The following NTM variants were observed in gnomAD, a reference collection of about 807,000 sequenced individuals.
NTM encodes IgLON family member 2.
A neutral mutation model predicts 42.1 loss-of-function variants in NTM; 13 were observed. The observed-to-expected ratio is 0.31, with a 90% CI of 0.20 to 0.49. NTM has a LOEUF of 0.49. NTM is among the 20% of genes least tolerant of loss of function. The probability of loss-of-function intolerance (pLI) is 0.99; values close to 1 mark genes in which losing one functional copy is unlikely to be tolerated. For synonymous variants in NTM, 187 were observed against 179.2 expected (o/e 1.04, Z -0.35); for missense variants, 373 against 452.8 (o/e 0.82, Z 1.60).
At chr11:132,112,455 G>A (rs938700016) in intron 2 of NTM, among the ~76,000 whole-genome samples, 1 of 152,130 alleles carries the variant, frequency 6.6e-6, no homozygotes, top group African/African-American at 2.4e-5. Flanking sequence ...AATCTCTTGT[G>A]TTTCTCTGAT....
At chr11:131,661,095 G>GAAGACCCCCCCACCA in intron 1 of NTM, 3 of 1,260,902 alleles carry the variant, frequency 2.4e-6, no homozygotes, top group African/African-American at 1.5e-5. Context: ...CTGGTGGGGG[G>GAAGACCCCCCCACCA]GTCTTCCCCC....
At chr11:132,206,562 G>A (rs1156273090) in intron 3 of NTM, among the ~76,000 whole-genome samples, 1 of 152,182 alleles carries the variant, frequency 6.6e-6, no homozygotes, top group Non-Finnish European at 1.5e-5. Context: ...TAAATGTGGA[G>A]AGCAAGACAC....
chr11:131,412,019 T>C (rs2135759122), intron 1 of NTM, among the ~76,000 whole-genome samples: 1 of 152,336 alleles, frequency 6.6e-6, no homozygotes, highest in South Asian at 2.1e-4. Context: ...ACGTGGACCC[T>C]TGTCTTGCAG....
At chr11:132,326,449 G>A (rs2095685378) in intron 7 of NTM, among the ~76,000 whole-genome samples, 1 of 152,170 alleles carries the variant, frequency 6.6e-6, no homozygotes, top group African/African-American at 2.4e-5. Context: ...CAAATTGAAA[G>A]CAAACAGGTT....
At chr11:131,499,684 C>T (rs918263387) in intron 1 of NTM, among the ~76,000 whole-genome samples, 3 of 152,104 alleles carry the variant, frequency 2.0e-5, no homozygotes, top group Non-Finnish European at 4.4e-5. Context: ...TCACTCCTCC[C>T]CTGCTAACAA....
chr11:132,060,674 T>C lies in NTM; in HGVS notation c.168-85608T>C, dbSNP rs190698671. Among the ~76,000 whole-genome samples the C allele has an allele frequency of 5.3e-5, 8 of 152,348 alleles. No homozygotes were observed. In the East Asian group the frequency reaches 9.7e-4, roughly 18 times the overall value. On this transcript the variant is annotated intron_variant, in intron 2 of 8. Coordinates refer to ENST00000683400, the MANE Select transcript of NTM (RefSeq NM_001352005.2). ...ACTTGCAGTCACAGAAATAGTATAC[T>C]ACCTGGAGTTTCTTTAGGATTTGCA...
At position 131,789,471 on chromosome 11, in the gene NTM, A is replaced by G. The variant is rs1254031761; in HGVS notation, c.83-122093A>G. Among the ~76,000 whole-genome samples the G allele has an allele frequency of 2.2e-4, 3 of 13,942 alleles. 1 individual carries two copies. The highest frequency in any genetic ancestry group is 8.4e-4 in the African/African-American group (3 of 3,566). 9.1% of individuals were successfully genotyped at this position (13,942 alleles called of 152,430 possible). On this transcript the variant is annotated intron_variant, in intron 1 of 8. Coordinates refer to ENST00000683400, the MANE Select transcript of NTM (RefSeq NM_001352005.2). ...AAGAAGAAGAAGAAGAAGAAGAAGA[A>G]GAAGAAGAAGAAGAAGAAGAGGAAA...
intron 2 of NTM, among the ~76,000 whole-genome samples, chr11:131,985,064 C>T (rs2065857056): frequency 1.3e-5 from 2 of 152,136 alleles, no homozygotes; most frequent in South Asian, 2.1e-4. Context: ...AAATCAGTCT[C>T]TCATTCCCTC....
At chr11:131,725,296 T>C (rs1282500558) in intron 1 of NTM, among the ~76,000 whole-genome samples, 1 of 152,182 alleles carries the variant, frequency 6.6e-6, no homozygotes, top group East Asian at 1.9e-4. Context: ...ATAAAATCTT[T>C]GCTCTTTTTG....
chr11:132,245,049 GC>G (rs1424548795), intron 4 of NTM, among the ~76,000 whole-genome samples: 1 of 152,136 alleles, frequency 6.6e-6, no homozygotes, highest in African/African-American at 2.4e-5. Context: ...CGTCCAATTC[GC>G]CGTGAAATGT....
chr11:131,987,517 A>G (rs1010943100), intron 2 of NTM, among the ~76,000 whole-genome samples: 1 of 152,188 alleles, frequency 6.6e-6, no homozygotes, highest in Non-Finnish European at 1.5e-5. Context: ...GTATTGCAAT[A>G]CAGACTTCGA....
intron 1 of NTM, among the ~76,000 whole-genome samples, chr11:131,550,515 T>C (rs2054525813): frequency 6.6e-6 from 1 of 152,186 alleles, no homozygotes; most frequent in Non-Finnish European, 1.5e-5. Context: ...CAGCACCTCC[T>C]TCTCTCTCTT....
chr11:131,937,391 A>G (rs1458403315), intron 2 of NTM, among the ~76,000 whole-genome samples: 2 of 152,156 alleles, frequency 1.3e-5, no homozygotes, highest in African/African-American at 4.8e-5. Flanking sequence ...GAGCTCACAC[A>G]GGAGTTGTGT....
intron 4 of NTM, among the ~76,000 whole-genome samples, chr11:132,287,092 A>T (rs1387414632): frequency 6.6e-6 from 1 of 152,184 alleles, no homozygotes; most frequent in Non-Finnish European, 1.5e-5. Context: ...CAGGCTGTCG[A>T]TGGCAGAGAA....
intron 1 of NTM, among the ~76,000 whole-genome samples, chr11:131,755,279 T>A: frequency 6.6e-6 from 1 of 152,208 alleles, no homozygotes; most frequent in East Asian, 1.9e-4. Context: ...TATTTATATA[T>A]GAAAGGTACA....
intron 1 of NTM, among the ~76,000 whole-genome samples, chr11:131,427,471 C>G (rs1159150449): frequency 6.6e-6 from 1 of 152,164 alleles, no homozygotes; most frequent in Non-Finnish European, 1.5e-5. Flanking sequence ...GATCTCTACA[C>G]TCTCCAGAAA....
chr11:131,598,573 T>C (rs1319330049), intron 1 of NTM, among the ~76,000 whole-genome samples: 1 of 152,108 alleles, frequency 6.6e-6, no homozygotes, highest in Non-Finnish European at 1.5e-5. Context: ...CATTAGTCAC[T>C]GGGGTCCCAG....
intron 1 of NTM, among the ~76,000 whole-genome samples, chr11:131,885,990 C>G (rs988957391): frequency 6.6e-6 from 1 of 152,102 alleles, no homozygotes; most frequent in Admixed American, 6.5e-5. Context: ...TGGATTAATA[C>G]CTGGAAGATT....
intron 2 of NTM, among the ~76,000 whole-genome samples, chr11:132,134,832 T>A (rs186579574): frequency 4.0e-5 from 6 of 149,070 alleles, no homozygotes; most frequent in African/African-American, 1.5e-4. Flanking sequence ...AATTACAGAT[T>A]GTGCTGCTAT....
Sources: allele counts gnomAD v4.1 joint callset (sites outside exome capture counted in the v4.1 genomes callset), GRCh38; gene constraint gnomAD v4.1.1; transcripts MANE v1.5; gene names NCBI Gene and HGNC (gene_info 2026-07-23, HGNC 2026-07-21).